DNAH14: variants seen among roughly 807,000 people sequenced by gnomAD.
The protein encoded by DNAH14 is dynein axonemal heavy chain 14.
A neutral mutation model predicts 520.9 loss-of-function variants in DNAH14; 478 were observed. That is an observed-to-expected ratio of 0.92 (90% CI 0.85 to 0.99). The LOEUF (loss-of-function observed/expected upper bound fraction) is 0.99. DNAH14 is among the 50% of genes least tolerant of loss of function. The probability of loss-of-function intolerance (pLI) is 0.00; values close to 1 mark genes in which losing one functional copy is unlikely to be tolerated. For synonymous variants in DNAH14, 1,581 were observed against 1,757.2 expected (o/e 0.90, Z 2.51); for missense variants, 4,831 against 5,234.5 (o/e 0.92, Z 2.38).
intron 66 of DNAH14, among the ~76,000 whole-genome samples, chr1:225,335,377 GTA>G (rs539839785): frequency 0.057 from 4,160 of 72,348 alleles, 826 homozygotes; most frequent in African/African-American, 0.17. Flanking sequence ...ACATGTGTGT[GTA>G]TATGCACATA....
intron 42 of DNAH14, among the ~76,000 whole-genome samples, chr1:225,235,514 T>A (rs989925659): frequency 2.6e-5 from 4 of 152,102 alleles, no homozygotes; most frequent in African/African-American, 9.7e-5. Flanking sequence ...TTTTGTTATA[T>A]CTCTGCCAAG....
intron 5 of DNAH14, among the ~76,000 whole-genome samples, chr1:224,965,795 A>G (rs2061131665): frequency 6.6e-6 from 1 of 152,114 alleles, no homozygotes; most frequent in African/African-American, 2.4e-5. Context: ...TGAAAATTAA[A>G]TATATGCCAT....
At chr1:225,024,107 C>A in intron 11 of DNAH14, 4 of 1,080,134 alleles carry the variant, frequency 3.7e-6, no homozygotes, top group Non-Finnish European at 1.1e-6. Context: ...TTTTAGTATA[C>A]TTCAAGTATT....
chr1:225,216,646 G>T (rs2089383593), intron 41 of DNAH14, among the ~76,000 whole-genome samples: 1 of 151,894 alleles, frequency 6.6e-6, no homozygotes, highest in Non-Finnish European at 1.5e-5. Context: ...TCATTCATTT[G>T]ATCTTCAATC....
At chr1:225,149,284 G>A (rs2080253406) in intron 31 of DNAH14, among the ~76,000 whole-genome samples, 1 of 152,094 alleles carries the variant, frequency 6.6e-6, no homozygotes, top group African/African-American at 2.4e-5. Flanking sequence ...ATTGGTCTAT[G>A]TGCCTGTTTT....
chr1:225,323,182 C>A (rs974385709), intron 62 of DNAH14, among the ~76,000 whole-genome samples: 6 of 152,150 alleles, frequency 3.9e-5, no homozygotes, highest in African/African-American at 1.4e-4. Flanking sequence ...CCATTACTGA[C>A]CAGACAGACC....
intron 84 of DNAH14, among the ~76,000 whole-genome samples, chr1:225,394,099 A>T (rs1463887622): frequency 6.6e-6 from 1 of 152,132 alleles, no homozygotes; most frequent in South Asian, 2.1e-4. Flanking sequence ...GATTACAGGC[A>T]TGAGCCACCG....
intron 41 of DNAH14, among the ~76,000 whole-genome samples, chr1:225,214,701 G>T (rs1019246029): frequency 6.6e-6 from 1 of 152,304 alleles, no homozygotes; most frequent in South Asian, 2.1e-4. Context: ...GCATAGAGGT[G>T]TTTATAGTAT....
intron 8 of DNAH14, among the ~76,000 whole-genome samples, chr1:224,997,200 C>A (rs1021232830): frequency 6.6e-6 from 1 of 152,042 alleles, no homozygotes; most frequent in African/African-American, 2.4e-5. Flanking sequence ...CCTAGGTGGT[C>A]TAGCCATGCT....
At chr1:224,993,910 A>T (rs890665022) in intron 8 of DNAH14, among the ~76,000 whole-genome samples, 1 of 151,844 alleles carries the variant, frequency 6.6e-6, no homozygotes, top group African/African-American at 2.4e-5. Flanking sequence ...GATATTTTTA[A>T]ATTTCATTTT....
intron 9 of DNAH14, among the ~76,000 whole-genome samples, chr1:225,003,482 A>G (rs1311849709): frequency 1.1e-4 from 17 of 152,100 alleles, no homozygotes; most frequent in Admixed American, 1.1e-3. Context: ...TGATAGAGTT[A>G]TCTAGACTAA....
At chr1:225,084,395 G>T (rs892154870) in intron 20 of DNAH14, among the ~76,000 whole-genome samples, 3 of 152,052 alleles carry the variant, frequency 2.0e-5, no homozygotes, top group African/African-American at 7.2e-5. Flanking sequence ...ATTAAAACTT[G>T]CATTTTGGAG....
At chr1:224,956,877 T>G (rs2060549089) in intron 3 of DNAH14, among the ~76,000 whole-genome samples, 1 of 152,052 alleles carries the variant, frequency 6.6e-6, no homozygotes, top group South Asian at 2.1e-4. Flanking sequence ...GAGTGAAAAG[T>G]AGAAGTACTC....
intron 36 of DNAH14, 48 bp from the exon 37 acceptor site, chr1:225,185,243 A>G: frequency 6.6e-7 from 1 of 1,520,336 alleles, no homozygotes; most frequent in South Asian, 1.3e-5. Context: ...ATTGGTTAAT[A>G]AACTTAAAAT....
intron 21 of DNAH14, among the ~76,000 whole-genome samples, chr1:225,095,081 T>TAGTGTGGTGATTTCTC (rs2074827242): frequency 1.3e-5 from 2 of 151,348 alleles, no homozygotes; most frequent in South Asian, 4.2e-4. Flanking sequence ...GGATGTAAAT[T>TAGTGTGGTGATTTCTC]AGTGTGGTGA....
At chr1:224,965,250 G>A (rs561813971) in intron 5 of DNAH14, among the ~76,000 whole-genome samples, 1 of 152,138 alleles carries the variant, frequency 6.6e-6, no homozygotes, top group East Asian at 1.9e-4. Flanking sequence ...TGGTCCCCAG[G>A]CAAGCAACAC....
intron 54 of DNAH14, among the ~76,000 whole-genome samples, chr1:225,286,859 C>G (rs574517894): frequency 6.6e-6 from 1 of 152,158 alleles, no homozygotes; most frequent in South Asian, 2.1e-4. Context: ...AATAAACACA[C>G]TGTAGTAGTA....
intron 76 of DNAH14, 62 bp from the exon 77 acceptor site, chr1:225,367,743 G>A: frequency 5.2e-6 from 6 of 1,161,700 alleles, no homozygotes; most frequent in African/African-American, 1.5e-5. Flanking sequence ...AAAGACAAGT[G>A]CCCTGAAGAC....
chr1:225,226,696 G>A (rs1333346893), intron 41 of DNAH14, among the ~76,000 whole-genome samples: 1 of 152,198 alleles, frequency 6.6e-6, no homozygotes, highest in Non-Finnish European at 1.5e-5. Context: ...AAAGTATAGA[G>A]GAAGAAAAGT....
Sources: allele counts gnomAD v4.1 joint callset (sites outside exome capture counted in the v4.1 genomes callset), GRCh38; gene constraint gnomAD v4.1.1; transcripts MANE v1.5; gene names NCBI Gene and HGNC (gene_info 2026-07-23, HGNC 2026-07-21).